LDAH: variants seen among roughly 807,000 people sequenced by gnomAD.
LDAH encodes lipid droplet associated hydrolase.
A neutral mutation model predicts 29.6 loss-of-function variants in LDAH; 26 were observed. The observed-to-expected ratio is 0.88, with a 90% CI of 0.64 to 1.22. LDAH has a LOEUF of 1.22. Among genes scored for constraint, LDAH ranks in the 50% most tolerant of loss-of-function variants. The pLI is 0.00. For missense variants in LDAH, 344 were observed against 387.3 expected (o/e 0.89, Z 0.94); for synonymous variants, 117 against 133.0 (o/e 0.88, Z 0.83).
intron 5 of LDAH, among the ~76,000 whole-genome samples, chr2:20,724,266 C>A (rs1034228845): frequency 1.3e-5 from 2 of 152,208 alleles, no homozygotes; most frequent in African/African-American, 4.8e-5. Context: ...ACTGATCTCT[C>A]CTTTCTCATT....
At chr2:20,769,186 T>C (rs1204918223) in intron 4 of LDAH, among the ~76,000 whole-genome samples, 4 of 152,178 alleles carry the variant, frequency 2.6e-5, no homozygotes, top group South Asian at 4.1e-4. Flanking sequence ...AGCCACCATA[T>C]AAAATCCTCT....
intron 3 of LDAH, among the ~76,000 whole-genome samples, chr2:20,786,525 T>A (rs531519214): frequency 6.6e-6 from 1 of 152,292 alleles, no homozygotes; most frequent in South Asian, 2.1e-4. Flanking sequence ...GCTATAGGTA[T>A]CAGAAACTTC....
chr2:20,733,421 A>G (rs1338802066), intron 5 of LDAH, among the ~76,000 whole-genome samples: 1 of 130,118 alleles, frequency 7.7e-6, no homozygotes, highest in Admixed American at 8.2e-5. Flanking sequence ...TTTTTTTGAG[A>G]CAGGATCTTA....
rs1039439790 is a variant in LDAH at position 20,698,406 on chromosome 2, T to G, written c.786+3164A>C. Reference sequence around the variant, plus strand: ...TTTAGTCAAATGACAAAATAACCTATAGGCCGGGCGCAGTGGCTCATGCCT... The same window carrying G: ...TTTAGTCAAATGACAAAATAACCTAGAGGCCGGGCGCAGTGGCTCATGCCT... On this transcript the variant is annotated intron_variant, in intron 6 of 6. Coordinates refer to ENST00000237822, the MANE Select transcript of LDAH (RefSeq NM_021925.4). The surrounding 1 kb of genome is among the most constrained non-coding windows in gnomAD (Gnocchi z 4.4). 2.6e-5 allele frequency among the ~76,000 whole-genome samples: 4 copies of G among 152,172 alleles called. No individual in the cohort carries two copies. The highest frequency in any genetic ancestry group is 9.7e-5 in the African/African-American group (4 of 41,442).
chr2:20,736,083 G>T (rs1666761239), intron 5 of LDAH, among the ~76,000 whole-genome samples: 1 of 152,162 alleles, frequency 6.6e-6, no homozygotes, highest in East Asian at 1.9e-4. Context: ...ATCTTTGCAG[G>T]CATGACTGGA....
At chr2:20,728,311 A>G (rs1163734497) in intron 5 of LDAH, among the ~76,000 whole-genome samples, 2 of 152,202 alleles carry the variant, frequency 1.3e-5, no homozygotes, top group Non-Finnish European at 2.9e-5. Context: ...ACAGAGAAAC[A>G]GGTCTGTGGG....
chr2:20,763,467 A>G (rs1435853332), intron 4 of LDAH, among the ~76,000 whole-genome samples: 1 of 152,256 alleles, frequency 6.6e-6, no homozygotes, highest in African/African-American at 2.4e-5. Flanking sequence ...AAGAGGGGGA[A>G]GAATTTGCAT....
At chr2:20,789,504 T>G (rs1167671933) in intron 3 of LDAH, among the ~76,000 whole-genome samples, 2 of 152,224 alleles carry the variant, frequency 1.3e-5, no homozygotes, top group Admixed American at 6.5e-5. Context: ...GACACATGCC[T>G]ACTCCACAAA....
Position 20,740,186 on chromosome 2 carries a change from A to G in LDAH, c.488T>C (p.Leu163Pro), listed in dbSNP as rs763917845. 2.5e-6 allele frequency: 4 copies of G among 1,613,918 alleles called. No homozygotes were observed. Among genetic ancestry groups the G allele is most frequent in the Non-Finnish European group, 3.4e-6 (4 of 1,179,810 alleles). ...AGACATTCGTTCAATTGTTGGAAAG[A>G]GCAGAAAGGCACGAATTACCTGCAA... ...PELPVIRAFL[L>P]FPTIERMSES... The change falls in exon 5 of 7, where the codon CTC becomes CCC. Residue 163 changes from leucine (L) to proline (P), a missense_variant. Coordinates refer to ENST00000237822, the MANE Select transcript of LDAH (RefSeq NM_021925.4).
intron 5 of LDAH, among the ~76,000 whole-genome samples, chr2:20,734,062 G>A (rs112299965): frequency 0.028 from 4,285 of 152,208 alleles, 203 homozygotes; most frequent in African/African-American, 0.098. Context: ...TTCTACAAAT[G>A]TCTATTAGGT....
intron 6 of LDAH, among the ~76,000 whole-genome samples, chr2:20,690,958 A>T (rs1314816754): frequency 6.6e-6 from 1 of 152,204 alleles, no homozygotes; most frequent in African/African-American, 2.4e-5. Context: ...AGGCTTAGCA[A>T]GATTAACCTG....
intron 5 of LDAH, among the ~76,000 whole-genome samples, chr2:20,734,890 C>T (rs113613245): frequency 0.028 from 4,290 of 152,222 alleles, 203 homozygotes; most frequent in African/African-American, 0.099. Context: ...TCCTGAAAGA[C>T]ACTTTTGCTA....
chr2:20,724,736 A>C lies in LDAH; in HGVS notation c.703+15235T>G, dbSNP rs373310218. ...AAGAGCCAGAGACAATGTAGAGGCAATTTAAACCACAACTAATCATAAAAT... is the reference window on the plus strand; with the variant it reads ...AAGAGCCAGAGACAATGTAGAGGCACTTTAAACCACAACTAATCATAAAAT... On this transcript the variant is annotated intron_variant, in intron 5 of 6. Coordinates refer to ENST00000237822, the MANE Select transcript of LDAH (RefSeq NM_021925.4). Among the ~76,000 whole-genome samples, 79 of 152,376 alleles carry C rather than the reference A, an allele frequency of 5.2e-4. No individual in the cohort carries two copies. The South Asian group carries it at 0.013, about 26-fold the overall frequency.
At chr2:20,697,783 A>G (rs567749930) in intron 6 of LDAH, among the ~76,000 whole-genome samples, 1 of 152,256 alleles carries the variant, frequency 6.6e-6, no homozygotes, top group Non-Finnish European at 1.5e-5. Flanking sequence ...CTTTGGAAAA[A>G]TTTACATGTT....
At chr2:20,808,614 T>C (rs1370043974) in intron 1 of LDAH, among the ~76,000 whole-genome samples, 3 of 146,284 alleles carry the variant, frequency 2.1e-5, no homozygotes, top group Non-Finnish European at 3.0e-5. Context: ...GCAGAGATCA[T>C]GCCACTGCAC....
intron 6 of LDAH, among the ~76,000 whole-genome samples, chr2:20,696,614 T>C (rs1381177440): frequency 6.6e-6 from 1 of 152,130 alleles, no homozygotes; most frequent in Non-Finnish European, 1.5e-5. Context: ...ATTCCCCCCC[T>C]AAGTGGGTTT....
At chr2:20,689,690 T>G (rs1662850876) in intron 6 of LDAH, among the ~76,000 whole-genome samples, 1 of 152,224 alleles carries the variant, frequency 6.6e-6, no homozygotes, top group African/African-American at 2.4e-5. Context: ...TCTTTTCGAT[T>G]GTATTCAGGG....
At chr2:20,691,896 T>C (rs753825373) in intron 6 of LDAH, among the ~76,000 whole-genome samples, 9 of 152,230 alleles carry the variant, frequency 5.9e-5, no homozygotes, top group Admixed American at 4.6e-4. Flanking sequence ...GGCTTATAGA[T>C]GAACTTCCCT....
intron 1 of LDAH, among the ~76,000 whole-genome samples, chr2:20,820,294 C>T (rs1306447311): frequency 3.3e-5 from 5 of 152,194 alleles, no homozygotes; most frequent in Non-Finnish European, 5.9e-5. Context: ...CAAAAAAGAG[C>T]CTGCATTGCC....
Sources: gnomAD v4.1 joint callset for allele counts (sites outside exome capture counted in the v4.1 genomes callset) on GRCh38, gnomAD v4.1.1 for gene constraint, Gnocchi (gnomAD v3.1) non-coding constraint, MANE v1.5 for transcripts, NCBI Gene and HGNC (gene_info 2026-07-23, HGNC 2026-07-21) for gene names.